Variants in GSG1L observed in about 807,000 individuals in gnomAD.
GSG1L encodes the protein GSG1 like.
GSG1L carries 24 observed loss-of-function variants against 42.1 expected under a neutral mutation model. The observed-to-expected ratio is 0.57, with a 90% CI of 0.41 to 0.80. The LOEUF (loss-of-function observed/expected upper bound fraction) is 0.80. Among genes scored for constraint, GSG1L ranks in the 30% least tolerant of loss-of-function variants. The probability of loss-of-function intolerance (pLI) is 0.00; values close to 1 mark genes in which losing one functional copy is unlikely to be tolerated. For missense variants in GSG1L, 445 were observed against 472.2 expected (o/e 0.94, Z 0.53); for synonymous variants, 215 against 203.5 (o/e 1.06, Z -0.48).
chr16:27,890,587 G>C (rs1230799709), intron 2 of GSG1L, among the ~76,000 whole-genome samples: 2 of 152,216 alleles, frequency 1.3e-5, no homozygotes, highest in Non-Finnish European at 2.9e-5. Context: ...TATGAACCTG[G>C]TGGCAAAGGA....
intron 4 of GSG1L, among the ~76,000 whole-genome samples, chr16:27,837,268 G>A (rs776354085): frequency 6.6e-6 from 1 of 152,182 alleles, no homozygotes; most frequent in African/African-American, 2.4e-5. Context: ...ACTATCACAA[G>A]AACAGCATGG....
chr16:27,791,740 C>A (rs542047620), intron 6 of GSG1L, among the ~76,000 whole-genome samples: 1 of 152,066 alleles, frequency 6.6e-6, no homozygotes, highest in Admixed American at 6.5e-5. Context: ...ATCAAGCCAC[C>A]AATGTATCCA....
chr16:28,041,926 G>T (rs2086111074), intron 1 of GSG1L, among the ~76,000 whole-genome samples: 1 of 152,320 alleles, frequency 6.6e-6, no homozygotes, highest in South Asian at 2.1e-4. Flanking sequence ...CATCCCCCTG[G>T]CTTCCATCCA....
intron 1 of GSG1L, among the ~76,000 whole-genome samples, chr16:28,005,967 T>A (rs2085632501): frequency 6.6e-6 from 1 of 152,164 alleles, no homozygotes; most frequent in African/African-American, 2.4e-5. Context: ...TGATCCGTTA[T>A]CCAAGTTGAC....
chr16:28,007,681 T>G (rs1265264029), intron 1 of GSG1L, among the ~76,000 whole-genome samples: 1 of 152,014 alleles, frequency 6.6e-6, no homozygotes, highest in Non-Finnish European at 1.5e-5. Context: ...CCCAGCTAAT[T>G]TTTTTAAATT....
At chr16:27,804,044 T>TAC (rs1555500787) in intron 6 of GSG1L, among the ~76,000 whole-genome samples, 9 of 131,026 alleles carry the variant, frequency 6.9e-5, no homozygotes, top group African/African-American at 2.8e-4. Flanking sequence ...GATGGATAGA[T>TAC]AGATAGATAG....
Position 28,041,609 on chromosome 16 carries a change from A to T in GSG1L, c.349+21467T>A, listed in dbSNP as rs79388504. Among the ~76,000 whole-genome samples, 1,037 of 152,272 alleles carry T rather than the reference A, an allele frequency of 6.8e-3. 8 individuals are homozygous for T. Among genetic ancestry groups the T allele is most frequent in the African/African-American group, 0.021 (857 of 41,540 alleles). Reference sequence around the variant, plus strand: ...CTCTACTCACAACTTTTTGATAGTAAGTCAGTGAAGAGGTCTACCACACTC... The same window carrying T: ...CTCTACTCACAACTTTTTGATAGTATGTCAGTGAAGAGGTCTACCACACTC... On this transcript the variant is annotated intron_variant, in intron 1 of 6. Coordinates refer to ENST00000447459, the MANE Select transcript of GSG1L (RefSeq NM_001109763.2).
intron 1 of GSG1L, among the ~76,000 whole-genome samples, chr16:27,983,686 C>T (rs1352976379): frequency 6.6e-6 from 1 of 152,142 alleles, no homozygotes; most frequent in East Asian, 1.9e-4. Context: ...CTCCTAGGCT[C>T]AAGCAATCCT....
intron 2 of GSG1L, among the ~76,000 whole-genome samples, chr16:27,956,405 C>T (rs2085005629): frequency 6.6e-6 from 1 of 152,192 alleles, no homozygotes. Flanking sequence ...GAAATCCAGC[C>T]AGGCTGGCTC....
At chr16:27,890,846 C>T (rs1290708312) in intron 2 of GSG1L, among the ~76,000 whole-genome samples, 1 of 152,186 alleles carries the variant, frequency 6.6e-6, no homozygotes, top group Admixed American at 6.5e-5. Flanking sequence ...AACAGGATGC[C>T]TCTGAACACA....
chr16:27,869,665 C>T (rs2083781525), intron 3 of GSG1L, among the ~76,000 whole-genome samples: 1 of 128,380 alleles, frequency 7.8e-6, no homozygotes, highest in South Asian at 2.8e-4. Flanking sequence ...TCCTCCATCT[C>T]TCTCTCTCTC....
chr16:27,947,884 T>C (rs2141092578), intron 2 of GSG1L, among the ~76,000 whole-genome samples: 1 of 152,206 alleles, frequency 6.6e-6, no homozygotes, highest in Non-Finnish European at 1.5e-5. Context: ...TGACATTCCA[T>C]GCACAAGGGT....
chr16:27,942,320 T>C (rs2084809538), intron 2 of GSG1L, among the ~76,000 whole-genome samples: 1 of 152,310 alleles, frequency 6.6e-6, no homozygotes, highest in Admixed American at 6.5e-5. Context: ...CAGCTAATTT[T>C]TATATTTTTG....
intron 1 of GSG1L, among the ~76,000 whole-genome samples, chr16:28,026,243 C>T (rs985167767): frequency 3.9e-5 from 6 of 152,124 alleles, no homozygotes; most frequent in South Asian, 2.1e-4. Flanking sequence ...CGGTATATCA[C>T]GGGAGCTCAG....
chr16:27,821,376 C>G (rs1372137476), intron 5 of GSG1L, among the ~76,000 whole-genome samples: 1 of 151,972 alleles, frequency 6.6e-6, no homozygotes, highest in Non-Finnish European at 1.5e-5. Context: ...TCAGTTGATC[C>G]CATCACCCAA....
At chr16:28,036,613 C>T (rs2086041303) in intron 1 of GSG1L, among the ~76,000 whole-genome samples, 1 of 152,192 alleles carries the variant, frequency 6.6e-6, no homozygotes. Flanking sequence ...GAATCCCTTC[C>T]CAAATCAACT....
intron 1 of GSG1L, among the ~76,000 whole-genome samples, chr16:27,971,154 G>A (rs1270659309): frequency 7.9e-5 from 12 of 152,074 alleles, no homozygotes; most frequent in Admixed American, 7.9e-4. Flanking sequence ...ATGAATTTTA[G>A]GATCAATGTG....
At chr16:27,838,147 T>C (rs191792759) in intron 4 of GSG1L, among the ~76,000 whole-genome samples, 86 of 152,352 alleles carry the variant, frequency 5.6e-4, no homozygotes, top group Non-Finnish European at 2.4e-4. Flanking sequence ...TTCATGAAAA[T>C]GGGAGCCTCG....
chr16:28,013,219 CA>C (rs34795413), intron 1 of GSG1L, among the ~76,000 whole-genome samples: 20 of 142,046 alleles, frequency 1.4e-4, no homozygotes, highest in Admixed American at 2.1e-4. Flanking sequence ...AACTCTGACT[CA>C]AAAAAAAAAA....
Sources: allele counts gnomAD v4.1 joint callset (sites outside exome capture counted in the v4.1 genomes callset), GRCh38; gene constraint gnomAD v4.1.1; transcripts MANE v1.5; gene names NCBI Gene and HGNC (gene_info 2026-07-23, HGNC 2026-07-21).